ODAD2: variants seen among roughly 807,000 people sequenced by gnomAD.
ODAD2 encodes the protein outer dynein arm-docking complex subunit 2.
In ODAD2, 89 loss-of-function variants were observed where a neutral mutation model predicts 106.8. That is an observed-to-expected ratio of 0.83 (90% CI 0.70 to 0.99). The LOEUF is 0.99. ODAD2 is among the 50% of genes least tolerant of loss of function. ODAD2 has a pLI of 0.00. For missense variants in ODAD2, 1,168 were observed against 1,238.5 expected, an observed-to-expected ratio of 0.94 and a Z score of 0.85; for synonymous variants, 404 against 436.2, an observed-to-expected ratio of 0.93 and a Z score of 0.92.
chr10:27,912,602 T>C (rs747572868), intron 16 of ODAD2, among the ~76,000 whole-genome samples: 9 of 152,124 alleles, frequency 5.9e-5, no homozygotes, highest in Non-Finnish European at 1.2e-4. Flanking sequence ...TTTCTGGCAA[T>C]ATCAACATAT....
chr10:27,946,067 A>T (rs1343346208), intron 10 of ODAD2, among the ~76,000 whole-genome samples: 1 of 149,160 alleles, frequency 6.7e-6, no homozygotes, highest in African/African-American at 2.4e-5. Flanking sequence ...TAAGGTAAAC[A>T]TTGTCTATTT....
chr10:27,904,321 C>G (rs879453394), intron 17 of ODAD2: 2 of 321,036 alleles, frequency 6.2e-6, no homozygotes, highest in Non-Finnish European at 1.3e-5. Flanking sequence ...GCGCGGGGAA[C>G]ATGGCGTCAT....
intron 16 of ODAD2, among the ~76,000 whole-genome samples, chr10:27,909,451 C>T (rs1048916231): frequency 2.0e-5 from 3 of 152,014 alleles, no homozygotes; most frequent in Admixed American, 2.0e-4. Context: ...ATTTTCACCC[C>T]AAACCTTAGG....
chr10:27,843,382 T>C (rs1320953378), intron 19 of ODAD2, among the ~76,000 whole-genome samples: 2 of 152,146 alleles, frequency 1.3e-5, no homozygotes, highest in East Asian at 1.9e-4. Flanking sequence ...GATGGTGTAG[T>C]GTACCACCCA....
chr10:27,904,489 T>TATAA (rs1377382270), intron 17 of ODAD2: 9 of 152,528 alleles, frequency 5.9e-5, no homozygotes, highest in African/African-American at 2.2e-4. Context: ...AAATAAAAAA[T>TATAA]ATAAATAAAT....
chr10:27,832,611 A>G, intron 19 of ODAD2, among the ~76,000 whole-genome samples: 1 of 152,148 alleles, frequency 6.6e-6, no homozygotes, highest in East Asian at 1.9e-4. Flanking sequence ...AAATCTACAT[A>G]ATGATCTGGC....
intron 10 of ODAD2, among the ~76,000 whole-genome samples, chr10:27,948,874 C>T (rs1341055972): frequency 4.3e-5 from 5 of 115,884 alleles, no homozygotes; most frequent in Non-Finnish European, 8.4e-5. Context: ...GGAGGCATTT[C>T]TTCATTGTCA....
chr10:27,929,004 C>T (rs892164992), intron 16 of ODAD2, among the ~76,000 whole-genome samples: 5 of 152,082 alleles, frequency 3.3e-5, no homozygotes, highest in African/African-American at 1.2e-4. Flanking sequence ...GCAATGGTTC[C>T]AGAATCCATA....
intron 12 of ODAD2, among the ~76,000 whole-genome samples, chr10:27,943,873 C>T (rs1469298743): frequency 6.4e-5 from 9 of 141,240 alleles, no homozygotes; most frequent in Non-Finnish European, 1.5e-5. Context: ...AAGCTTTTGA[C>T]GTTTTAAAGT....
intron 6 of ODAD2, among the ~76,000 whole-genome samples, chr10:27,983,091 T>G (rs542443356): frequency 6.6e-6 from 1 of 152,322 alleles, no homozygotes; most frequent in South Asian, 2.1e-4. Flanking sequence ...GCAACGGCCC[T>G]TCTTTCCACA....
chr10:27,985,717 C>T (rs1003279100), intron 3 of ODAD2, among the ~76,000 whole-genome samples: 3 of 151,902 alleles, frequency 2.0e-5, no homozygotes, highest in African/African-American at 7.2e-5. Flanking sequence ...AGTATTCAAA[C>T]AGCTTAATAT....
At chr10:27,874,644 G>T (rs1160825530) in intron 17 of ODAD2, among the ~76,000 whole-genome samples, 12 of 152,122 alleles carry the variant, frequency 7.9e-5, no homozygotes, top group Non-Finnish European at 2.9e-5. Flanking sequence ...GAAATTCTGG[G>T]TTGAAAATTC....
intron 19 of ODAD2, among the ~76,000 whole-genome samples, chr10:27,841,703 T>TC (rs2133115338): frequency 6.6e-6 from 1 of 152,248 alleles, no homozygotes; most frequent in South Asian, 2.1e-4. Context: ...CAGATCTGCT[T>TC]CCAGTCTTTC....
intron 19 of ODAD2, among the ~76,000 whole-genome samples, chr10:27,827,322 A>G (rs1331065784): frequency 6.7e-6 from 1 of 150,044 alleles, no homozygotes; most frequent in African/African-American, 2.5e-5. Flanking sequence ...ACTGCTCTCA[A>G]ATCTGTGTTT....
chr10:27,889,059 G>A (rs1414509286), intron 17 of ODAD2, among the ~76,000 whole-genome samples: 3 of 152,154 alleles, frequency 2.0e-5, no homozygotes, highest in Admixed American at 6.6e-5. Flanking sequence ...GATTTTACAG[G>A]ACAATAAAAC....
intron 17 of ODAD2, among the ~76,000 whole-genome samples, chr10:27,895,781 T>C (rs772112361): frequency 2.0e-5 from 3 of 152,208 alleles, no homozygotes; most frequent in Non-Finnish European, 2.9e-5. Context: ...AATAATGAGA[T>C]GCTATTATTA....
intron 17 of ODAD2, among the ~76,000 whole-genome samples, chr10:27,882,635 T>C (rs986662637): frequency 6.6e-6 from 1 of 152,154 alleles, no homozygotes; most frequent in African/African-American, 2.4e-5. Context: ...GTGAGCTTTG[T>C]GGTATTTTAA....
chr10:27,854,089 C>T (rs531183792), intron 19 of ODAD2, among the ~76,000 whole-genome samples: 1 of 152,038 alleles, frequency 6.6e-6, no homozygotes, highest in Admixed American at 6.5e-5. Flanking sequence ...AACACTTTGC[C>T]CGAGGAGTTA....
At chr10:27,895,837 G>T (rs1364299293) in intron 17 of ODAD2, among the ~76,000 whole-genome samples, 1 of 152,188 alleles carries the variant, frequency 6.6e-6, no homozygotes, top group East Asian at 1.9e-4. Context: ...CTGAGCACAT[G>T]ACCTCTGTCA....
Sources: gnomAD v4.1 joint callset for allele counts (sites outside exome capture counted in the v4.1 genomes callset) on GRCh38, gnomAD v4.1.1 for gene constraint, MANE v1.5 for transcripts, NCBI Gene and HGNC (gene_info 2026-07-23, HGNC 2026-07-21) for gene names.